Variants in DOP1B observed in about 807,000 individuals in gnomAD.
DOP1B encodes protein DOP1B.
DOP1B carries 174 observed loss-of-function variants against 233.5 expected under a neutral mutation model. The observed-to-expected ratio is 0.75, with a 90% CI of 0.66 to 0.85. The LOEUF is 0.85. Ranked by LOEUF, DOP1B falls within the 40% of genes least tolerant of loss-of-function variation. The pLI is 0.00. For missense variants in DOP1B, 2,652 were observed against 2,846.6 expected, an observed-to-expected ratio of 0.93 and a Z score of 1.56; for synonymous variants, 1,190 against 1,185.6, an observed-to-expected ratio of 1.00 and a Z score of -0.08.
chr21:36,225,474 A>G, intron 11 of DOP1B, 91 bp from the exon 12 acceptor site: 2 of 1,392,952 alleles, frequency 1.4e-6, no homozygotes, highest in African/African-American at 1.4e-5. Context: ...CAGACAGTCC[A>G]CCCATCTCGG....
intron 4 of DOP1B, among the ~76,000 whole-genome samples, chr21:36,202,760 C>G (rs16993991): frequency 1.3e-5 from 2 of 152,166 alleles, no homozygotes; most frequent in Non-Finnish European, 2.9e-5. Flanking sequence ...TGTCTCGTTG[C>G]GGTTTTAAGC....
intron 18 of DOP1B, among the ~76,000 whole-genome samples, chr21:36,244,582 G>A (rs528396422): frequency 6.7e-4 from 102 of 151,898 alleles, no homozygotes; most frequent in African/African-American, 2.4e-3. Flanking sequence ...CTGCCACCAC[G>A]CCCAGCTAAC....
chr21:36,292,258 T>C (rs780520332), intron 36 of DOP1B, 25 bp downstream of exon 36: 6 of 1,072,138 alleles, frequency 5.6e-6, no homozygotes, highest in Non-Finnish European at 7.5e-6. Context: ...TTTCTTTTCT[T>C]TTTTTTTTTT....
At chr21:36,284,032 C>T (rs983790809) in intron 32 of DOP1B, among the ~76,000 whole-genome samples, 3 of 149,070 alleles carry the variant, frequency 2.0e-5, no homozygotes, top group Admixed American at 1.4e-4. Flanking sequence ...ACTGCAACCT[C>T]CACCTCCCAG....
chr21:36,232,870 AC>A lies in DOP1B; in HGVS notation c.2418del (p.Cys807AlafsTer14). 6.2e-7 allele frequency: 1 copy of A among 1,613,680 alleles called. No individual in the cohort carries two copies. The highest frequency in any genetic ancestry group is 1.1e-5 in the South Asian group (1 of 91,068). ...SLMTICCCVT[D>X]CYLQNVAIST... is the part of the protein sequence containing the mutation. ...ATGACTATTTGCTGCTGTGTGACTG[AC>A]TGCTACCTCCAGAACGTGGCCATTT... On this transcript the variant is annotated frameshift_variant, in exon 15 of 37. Transcript: ENST00000691173. LOFTEE classifies it high-confidence loss of function.
In DOP1B at chr21:36,246,002, A is replaced by T. The variant is rs755785941; in HGVS notation, c.4022A>T (p.Asn1341Ile). Residue 1341 changes from asparagine to isoleucine, a missense_variant, in exon 19 of 37, where the codon AAC becomes ATC. Transcript: ENST00000691173. This position sits in a 1 kb window ranked among gnomAD's most constrained non-coding sequence, Gnocchi z 5.1. ...GTCTCGCACCGAGACATTCTCGGCAACCGGGACGTGCAGGTCAAAAGTGTC... is the reference window on the plus strand; with the variant it reads ...GTCTCGCACCGAGACATTCTCGGCATCCGGGACGTGCAGGTCAAAAGTGTC... ...LKVSHRDILGNRDVQVKSVEV... is the reference protein window; with the variant it reads ...LKVSHRDILGIRDVQVKSVEV... 31 of 1,613,612 alleles carry T rather than the reference A, an allele frequency of 1.9e-5. No homozygotes were observed. Among genetic ancestry groups the T allele is most frequent in the Admixed American group, 3.3e-5 (2 of 59,958 alleles).
chr21:36,287,469 G>C (rs373766362), intron 32 of DOP1B, among the ~76,000 whole-genome samples: 1 of 152,144 alleles, frequency 6.6e-6, no homozygotes, highest in Admixed American at 6.6e-5. Flanking sequence ...GTGGCAGGGG[G>C]ACGGCCTGTG....
chr21:36,254,639 G>A (rs1434859555), intron 23 of DOP1B, among the ~76,000 whole-genome samples: 1 of 152,148 alleles, frequency 6.6e-6, no homozygotes, highest in East Asian at 1.9e-4. Context: ...TTCCTAGGTT[G>A]TGGGAGACAC....
intron 1 of DOP1B, among the ~76,000 whole-genome samples, chr21:36,160,135 AATAAT>A (rs201590464): frequency 0.36 from 53,470 of 149,276 alleles, 10,512 homozygotes; most frequent in Admixed American, 0.44. Flanking sequence ...TGGAAAAAAT[AATAAT>A]AATAATAATA....
intron 12 of DOP1B, among the ~76,000 whole-genome samples, chr21:36,227,414 G>T (rs912763799): frequency 2.0e-5 from 3 of 151,292 alleles, no homozygotes; most frequent in South Asian, 4.2e-4. Context: ...GGGCGTGGTG[G>T]TGGGCACCTG....
intron 2 of DOP1B, among the ~76,000 whole-genome samples, chr21:36,189,535 C>T (rs529033341): frequency 8.6e-5 from 13 of 151,896 alleles, no homozygotes; most frequent in Non-Finnish European, 1.6e-4. Context: ...AGTTCGAGAC[C>T]GGCCTGGCCA....
At chr21:36,177,904 C>T (rs2123423822) in intron 2 of DOP1B, among the ~76,000 whole-genome samples, 1 of 152,250 alleles carries the variant, frequency 6.6e-6, no homozygotes, top group African/African-American at 2.4e-5. Context: ...AGAAAATAGA[C>T]TAAAATATCC....
At chr21:36,262,699 G>A (rs938961318) in intron 24 of DOP1B, among the ~76,000 whole-genome samples, 2 of 151,796 alleles carry the variant, frequency 1.3e-5, no homozygotes, top group African/African-American at 4.8e-5. Flanking sequence ...GACCAGCCTG[G>A]CCAACATGGT....
chr21:36,200,313 T>G lies in DOP1B; in HGVS notation c.321-18T>G. The G allele has an allele frequency of 6.4e-7, 1 of 1,572,880 alleles. No homozygotes were observed. Among genetic ancestry groups the G allele is most frequent in the Non-Finnish European group, 8.6e-7 (1 of 1,158,552 alleles). On this transcript the variant is annotated intron_variant, in intron 3 of 36. Transcript: ENST00000691173. ...GGTATCTTATTTCTGCCCCGCTCCC[T>G]CTCGTTCTTTCTCGAAGCTGCGGGT...
Position 36,247,070 on chromosome 21 carries a change from G to C in DOP1B, c.4697+393G>C, listed in dbSNP as rs2066975564. Among the ~76,000 whole-genome samples, 4 of 152,076 alleles carry C rather than the reference G, an allele frequency of 2.6e-5. No homozygotes were observed. In the South Asian group the frequency reaches 8.3e-4, roughly 32 times the overall value. Reference sequence around the variant, plus strand: ...AATTTTTTGTATTTTAGTAGACACGGGGTTTCACCGTGTTGCCCATGCTGG... The same window carrying C: ...AATTTTTTGTATTTTAGTAGACACGCGGTTTCACCGTGTTGCCCATGCTGG... On this transcript the variant is annotated intron_variant, in intron 19 of 36. Coordinates refer to ENST00000691173, the MANE Select transcript of DOP1B (RefSeq NM_001320714.2).
chr21:36,257,710 G>A (rs1450891124), intron 23 of DOP1B, among the ~76,000 whole-genome samples: 1 of 135,996 alleles, frequency 7.4e-6, no homozygotes, highest in Non-Finnish European at 1.6e-5. Context: ...AGAGATGGAT[G>A]TAGGTAGGTA....
intron 27 of DOP1B, among the ~76,000 whole-genome samples, chr21:36,276,070 G>A (rs1239850964): frequency 7.4e-6 from 1 of 134,468 alleles, no homozygotes; most frequent in Non-Finnish European, 1.7e-5. Context: ...GCGGAGTCGG[G>A]GATGGTTAGA....
chr21:36,247,151 G>T (rs1406260728), intron 19 of DOP1B, among the ~76,000 whole-genome samples: 1 of 152,122 alleles, frequency 6.6e-6, no homozygotes, highest in African/African-American at 2.4e-5. Context: ...AAGTGCTGGG[G>T]TGCTAGAGGG....
chr21:36,276,081 AG>A (rs34244079), intron 27 of DOP1B, among the ~76,000 whole-genome samples: 49,030 of 151,836 alleles, frequency 0.32, 8,055 homozygotes, highest in East Asian at 0.4. Flanking sequence ...GATGGTTAGA[AG>A]AGAAGAAGGC....
Sources: allele counts gnomAD v4.1 joint callset (sites outside exome capture counted in the v4.1 genomes callset), GRCh38; gene constraint gnomAD v4.1.1; non-coding constraint Gnocchi (gnomAD v3.1); transcripts MANE v1.5; gene names NCBI Gene and HGNC (gene_info 2026-07-23, HGNC 2026-07-21).